Variants in PRDM11 observed in about 807,000 individuals in gnomAD.
PRDM11 encodes the protein PR/SET domain 11.
PRDM11 carries 20 observed loss-of-function variants against 97.8 expected under a neutral mutation model. That is an observed-to-expected ratio of 0.20 (90% CI 0.14 to 0.30). The LOEUF is 0.30. Among genes scored for constraint, PRDM11 ranks in the 10% least tolerant of loss-of-function variants. The probability of loss-of-function intolerance (pLI) is 1.00; values close to 1 mark genes in which losing one functional copy is unlikely to be tolerated. For synonymous variants in PRDM11, 599 were observed against 637.7 expected (o/e 0.94, Z 0.91); for missense variants, 1,139 against 1,555.2 (o/e 0.73, Z 4.50).
chr11:45,099,002 A>G (rs946460188), intron 1 of PRDM11, among the ~76,000 whole-genome samples: 2 of 152,148 alleles, frequency 1.3e-5, no homozygotes, highest in African/African-American at 2.4e-5. Context: ...CTGATAGTGT[A>G]TTGAAGTGGA....
chr11:45,126,796 A>T (rs540084234), intron 1 of PRDM11, among the ~76,000 whole-genome samples: 3 of 152,220 alleles, frequency 2.0e-5, no homozygotes, highest in African/African-American at 7.2e-5. Flanking sequence ...AACTTTGGTG[A>T]ATCTGACAAT....
At chr11:45,137,923 C>T (rs1314662269) in intron 1 of PRDM11, among the ~76,000 whole-genome samples, 2 of 152,144 alleles carry the variant, frequency 1.3e-5, no homozygotes, top group South Asian at 2.1e-4. Flanking sequence ...TCTGCGTGCA[C>T]ACATACACAC....
At chr11:45,217,512 A>G (rs1258833683) in intron 5 of PRDM11, among the ~76,000 whole-genome samples, 1 of 152,224 alleles carries the variant, frequency 6.6e-6, no homozygotes, top group African/African-American at 2.4e-5. Context: ...CTACACCTCC[A>G]TGGTGGAGCC....
In PRDM11 at chr11:45,227,953, C is replaced by T; in HGVS notation, c.3328C>T (p.Gln1110Ter). 6.5e-7 allele frequency: 1 copy of T among 1,533,914 alleles called. No homozygotes were observed. Among genetic ancestry groups the T allele is most frequent in the Non-Finnish European group, 8.7e-7 (1 of 1,146,718 alleles). ...CCACCGCTCCCGCCTGACCCTGGAG[C>T]AGCTTAGCGACCTGTTGACAATCGC... ...KNHRSRLTLE[Q>*]LSDLLTIAVN... The change falls in exon 8 of 8, where the codon CAG becomes TAG. Residue 1110 changes from glutamine to a stop codon, truncating the protein, a stop_gained. Coordinates refer to ENST00000683152, the MANE Select transcript of PRDM11 (RefSeq NM_001384648.1). LOFTEE classifies it high-confidence loss of function. The surrounding 1 kb of genome is among the most constrained non-coding windows in gnomAD (Gnocchi z 8.0).
chr11:45,178,272 C>T (rs867997152), intron 1 of PRDM11, among the ~76,000 whole-genome samples: 2 of 152,238 alleles, frequency 1.3e-5, no homozygotes, highest in African/African-American at 4.8e-5. Flanking sequence ...GGACCACCTC[C>T]TCCTGGCAAG....
At chr11:45,212,630 C>T in intron 5 of PRDM11, 1 of 456,340 alleles carries the variant, frequency 2.2e-6, no homozygotes, top group Non-Finnish European at 4.4e-6. Flanking sequence ...AGAGGCCCTG[C>T]CCCATCCCTC....
chr11:45,221,018 C>G (rs949514971), intron 6 of PRDM11, among the ~76,000 whole-genome samples: 1 of 151,976 alleles, frequency 6.6e-6, no homozygotes. Flanking sequence ...TGTTCCTGAC[C>G]AACTTACTAA....
chr11:45,227,622 G>A lies in PRDM11; in HGVS notation c.2997G>A (p.Glu999=). ...TGGCTGCCTGGCCCAGGAGCAGTGA[G>A]GAGCTGATGAGCTATGGCAAGGAGG... is the stretch of plus-strand genomic sequence containing the variant. ...FDLAAWPRSS[E]ELMSYGKEDM... Residue 999 remains glutamate (E), a synonymous_variant, in exon 8 of 8, where the codon GAG becomes GAA. Transcript: ENST00000683152. The surrounding 1 kb of genome is among the most constrained non-coding windows in gnomAD (Gnocchi z 8.0). The A allele has an allele frequency of 6.5e-7, 1 of 1,533,940 alleles. No homozygotes were observed. The highest frequency in any genetic ancestry group is 8.7e-7 in the Non-Finnish European group (1 of 1,146,732).
chr11:45,209,312 C>A (rs1408012779), intron 5 of PRDM11: 5 of 354,500 alleles, frequency 1.4e-5, no homozygotes, highest in South Asian at 4.1e-5. Flanking sequence ...ATCACCAGTC[C>A]CCCCCGCCAC....
intron 1 of PRDM11, among the ~76,000 whole-genome samples, chr11:45,119,280 G>C (rs531400130): frequency 6.6e-6 from 1 of 152,280 alleles, no homozygotes; most frequent in East Asian, 1.9e-4. Context: ...AAATGAAAGA[G>C]GGAAGCTCAA....
intron 1 of PRDM11, among the ~76,000 whole-genome samples, chr11:45,147,967 G>T (rs888372145): frequency 6.6e-6 from 1 of 152,194 alleles, no homozygotes; most frequent in African/African-American, 2.4e-5. Context: ...GGGGACAGAA[G>T]AATTTTCTGT....
Position 45,224,735 on chromosome 11 carries a change from G to C in PRDM11, c.1261G>C (p.Val421Leu). ...CPNCIRLKKK[V>L]RELQAELDML... ...TAACTGTATTCGCCTAAAGAAGAAG[G>C]TTCGGGAGCTCCAGGCAGAATTAGA... The change falls in exon 7 of 8, where the codon GTT (valine) becomes CTT (leucine). Residue 421 changes from valine to leucine, a missense_variant. Coordinates refer to ENST00000683152, the MANE Select transcript of PRDM11 (RefSeq NM_001384648.1). The C allele has an allele frequency of 6.2e-7, 1 of 1,614,172 alleles. No individual in the cohort carries two copies. The highest frequency in any genetic ancestry group is 8.5e-7 in the Non-Finnish European group (1 of 1,180,034).
intron 7 of PRDM11, 33 bp from the exon 8 acceptor site, chr11:45,225,962 G>C: frequency 5.5e-6 from 8 of 1,455,788 alleles, no homozygotes; most frequent in African/African-American, 2.8e-5. Flanking sequence ...TTCTCCCCCA[G>C]GTATAAATGT....
chr11:45,222,265 T>A (rs1406255218), intron 6 of PRDM11, among the ~76,000 whole-genome samples: 1 of 152,238 alleles, frequency 6.6e-6, no homozygotes, highest in African/African-American at 2.4e-5. Flanking sequence ...TCTTTTGGCC[T>A]GTAGATTTTT....
At chr11:45,202,123 A>G (rs1190137819) in intron 4 of PRDM11, among the ~76,000 whole-genome samples, 2 of 152,056 alleles carry the variant, frequency 1.3e-5, no homozygotes, top group Non-Finnish European at 2.9e-5. Flanking sequence ...TTTTCTCTTT[A>G]ACTTGCTTTT....
chr11:45,104,036 C>G (rs1852021898), intron 1 of PRDM11, among the ~76,000 whole-genome samples: 1 of 152,158 alleles, frequency 6.6e-6, no homozygotes, highest in South Asian at 2.1e-4. Context: ...TTGGTGAAAA[C>G]TTGCTCTAGA....
At chr11:45,106,254 T>C (rs1157370920) in intron 1 of PRDM11, among the ~76,000 whole-genome samples, 1 of 152,040 alleles carries the variant, frequency 6.6e-6, no homozygotes, top group African/African-American at 2.4e-5. Context: ...CTCAGCAGTT[T>C]ACACCCCGTT....
chr11:45,132,902 G>A (rs1013729551), intron 1 of PRDM11, among the ~76,000 whole-genome samples: 2 of 152,152 alleles, frequency 1.3e-5, no homozygotes, highest in African/African-American at 2.4e-5. Context: ...GCAAAACCCA[G>A]GAAAATACTG....
At chr11:45,205,366 G>C (rs571800199) in intron 5 of PRDM11, among the ~76,000 whole-genome samples, 360 of 152,246 alleles carry the variant, frequency 2.4e-3, no homozygotes, top group African/African-American at 8.3e-3. Context: ...GGTCACCCAG[G>C]GATGGCTGAG....
Sources: gnomAD v4.1 joint callset for allele counts (sites outside exome capture counted in the v4.1 genomes callset) on GRCh38, gnomAD v4.1.1 for gene constraint, Gnocchi (gnomAD v3.1) non-coding constraint, MANE v1.5 for transcripts, NCBI Gene and HGNC (gene_info 2026-07-23, HGNC 2026-07-21) for gene names.